Variants in IFT140 observed in about 807,000 individuals in gnomAD.
The protein encoded by IFT140 is intraflagellar transport protein 140 homolog.
In IFT140, 133 loss-of-function variants were observed where a neutral mutation model predicts 164.6. That is an observed-to-expected ratio of 0.81 (90% CI 0.70 to 0.93). The LOEUF (loss-of-function observed/expected upper bound fraction) is 0.93, where lower values mean the gene tolerates loss of function less well. IFT140 is among the 40% of genes least tolerant of loss of function. The probability of loss-of-function intolerance (pLI) is 0.00; values close to 1 mark genes in which losing one functional copy is unlikely to be tolerated. For missense variants in IFT140, 2,045 were observed against 1,972.3 expected (o/e 1.04, Z -0.70); for synonymous variants, 860 against 817.3 (o/e 1.05, Z -0.89).
chr16:1,592,960 C>G (rs1374306726), intron 4 of IFT140, among the ~76,000 whole-genome samples: 1 of 149,194 alleles, frequency 6.7e-6, no homozygotes, highest in Non-Finnish European at 1.5e-5. Flanking sequence ...GGTGGTGGGA[C>G]AGGTGTCCCG....
At chr16:1,524,028 T>C in intron 24 of IFT140, 72 bp from the exon 25 acceptor site, 1 of 1,564,404 alleles carries the variant, frequency 6.4e-7, no homozygotes. Context: ...TTCTGGAATG[T>C]GGCCGGGTGC....
chr16:1,604,317 G>GTGTGT (rs10701132), intron 3 of IFT140: 41 of 124,990 alleles, frequency 3.3e-4, no homozygotes, highest in East Asian at 5.0e-4. Context: ...GTGTGTGTGT[G>GTGTGT]GAGGGGGGAG....
chr16:1,564,245 C>G lies in IFT140; in HGVS notation c.1902-83G>C. The G allele has an allele frequency of 7.9e-7, 1 of 1,268,422 alleles. No individual in the cohort carries two copies. The highest frequency in any genetic ancestry group is 1.1e-6 in the Non-Finnish European group (1 of 936,326). The allele number at this position is 1,268,422 out of a possible 1,614,324, so 78.6% of individuals were successfully genotyped here. ...TCCCTCCCACACACATTCCCGAAGC[C>G]TCCAGGTGCTGTCCCAGACCATGGT... On this transcript the variant is annotated intron_variant, in intron 16 of 30. Coordinates refer to ENST00000426508, the MANE Select transcript of IFT140 (RefSeq NM_014714.4). This position sits in a 1 kb window ranked among gnomAD's most constrained non-coding sequence, Gnocchi z 5.5.
intron 9 of IFT140, 121 bp from the exon 10 acceptor site, chr16:1,586,396 C>A: frequency 1.0e-6 from 1 of 952,828 alleles, no homozygotes. Flanking sequence ...GGTGCCTCTC[C>A]ACCTCATCCC....
intron 19 of IFT140, among the ~76,000 whole-genome samples, chr16:1,544,940 A>G (rs528697478): frequency 1.2e-4 from 19 of 152,150 alleles, no homozygotes; most frequent in Non-Finnish European, 1.8e-4. Context: ...GAGCCACGGC[A>G]CCCGGCCCAG....
chr16:1,576,314 G>A (rs1027730531), intron 13 of IFT140, among the ~76,000 whole-genome samples: 15 of 148,658 alleles, frequency 1.0e-4, no homozygotes, highest in Non-Finnish European at 2.1e-4. Flanking sequence ...AAGTATGGCC[G>A]GGTGCAGTGG....
intron 19 of IFT140, among the ~76,000 whole-genome samples, chr16:1,540,573 G>A (rs1291129926): frequency 1.3e-5 from 2 of 152,200 alleles, no homozygotes; most frequent in Non-Finnish European, 2.9e-5. Context: ...GGGCTCTTGG[G>A]ACATTCTGCT....
chr16:1,554,734 C>G, intron 19 of IFT140: 1 of 1,601,630 alleles, frequency 6.2e-7, no homozygotes, highest in Non-Finnish European at 8.5e-7. Flanking sequence ...AGGAGTGGAA[C>G]CCGCCTTCCT....
intron 1 of IFT140, among the ~76,000 whole-genome samples, chr16:1,611,320 C>A (rs1012136041): frequency 6.6e-6 from 1 of 152,048 alleles, no homozygotes; most frequent in Non-Finnish European, 1.5e-5. Flanking sequence ...GCCTTGGCAA[C>A]AAGGCGAGAT....
At chr16:1,512,142 CATA>C (rs2040181068) in intron 30 of IFT140, among the ~76,000 whole-genome samples, 1 of 117,502 alleles carries the variant, frequency 8.5e-6, no homozygotes, top group Non-Finnish European at 1.7e-5. Context: ...GGACAGGCGG[CATA>C]GGTGGGTGAG....
chr16:1,559,710 C>T (rs1328369386), intron 18 of IFT140, among the ~76,000 whole-genome samples: 1 of 152,232 alleles, frequency 6.6e-6, no homozygotes, highest in Non-Finnish European at 1.5e-5. Context: ...AGGCATCCTG[C>T]TCAAATAAAG....
chr16:1,561,886 G>T, intron 18 of IFT140, 99 bp downstream of exon 18: 1 of 1,255,838 alleles, frequency 8.0e-7, no homozygotes. Flanking sequence ...AGAGCCACGA[G>T]GGCTAACTCA....
At chr16:1,598,079 G>C (rs1348632571) in intron 4 of IFT140, among the ~76,000 whole-genome samples, 1 of 152,058 alleles carries the variant, frequency 6.6e-6, no homozygotes, top group African/African-American at 2.4e-5. Context: ...CATTAGGTGG[G>C]AATTAAACAG....
intron 19 of IFT140, chr16:1,534,352 T>G (rs756643935): frequency 6.2e-7 from 1 of 1,612,902 alleles, no homozygotes; most frequent in South Asian, 1.1e-5. Context: ...GTGGCGGCCT[T>G]CACCTCCAAC....
chr16:1,598,621 C>T (rs898676304), intron 4 of IFT140, among the ~76,000 whole-genome samples: 7 of 152,258 alleles, frequency 4.6e-5, no homozygotes, highest in African/African-American at 2.4e-5. Context: ...GCTACTCACA[C>T]GCAACTCTCT....
At chr16:1,537,043 G>A (rs562232804) in intron 19 of IFT140, among the ~76,000 whole-genome samples, 38 of 152,346 alleles carry the variant, frequency 2.5e-4, no homozygotes, top group Non-Finnish European at 4.3e-4. Flanking sequence ...AGCTCCTAGC[G>A]TCTTCCTTCC....
rs1212521945 is a variant in IFT140 at position 1,525,306 on chromosome 16, T to C, written c.2789A>G (p.His930Arg). The C allele has an allele frequency of 2.5e-6, 4 of 1,612,234 alleles. No homozygotes were observed. The highest frequency in any genetic ancestry group is 1.7e-5 in the Admixed American group (1 of 60,010). The stretch of plus-strand genomic sequence containing the variant: ...CAGCATCCTGGGCACCTCGAAGCGG[T>C]GCGTGTCCGACTTCTCGTAGCTGTG... ...ALSYYEKSDTHRFEVPRMLSE... is the reference protein window; with the variant it reads ...ALSYYEKSDTRRFEVPRMLSE... The change falls in exon 22 of 31, where the codon CAC becomes CGC. Residue 930 changes from histidine (H) to arginine (R), a missense_variant. Physicochemically the swap from His to Arg is conservative, Grantham distance 29. Transcript: ENST00000426508.
intron 19 of IFT140, chr16:1,555,097 C>T: frequency 1.3e-6 from 2 of 1,529,394 alleles, no homozygotes; most frequent in Non-Finnish European, 1.8e-6. Flanking sequence ...AGGGACTCCA[C>T]CACCAAGTCA....
chr16:1,538,015 G>A (rs535550262), intron 19 of IFT140, among the ~76,000 whole-genome samples: 5 of 152,312 alleles, frequency 3.3e-5, no homozygotes, highest in Admixed American at 1.3e-4. Context: ...CTGCTACCAC[G>A]CACAGCCACG....
Sources: gnomAD v4.1 joint callset for allele counts (sites outside exome capture counted in the v4.1 genomes callset) on GRCh38, gnomAD v4.1.1 for gene constraint, Gnocchi (gnomAD v3.1) non-coding constraint, MANE v1.5 for transcripts, NCBI Gene and HGNC (gene_info 2026-07-23, HGNC 2026-07-21) for gene names.